RBFOX1: variants seen among roughly 807,000 people sequenced by gnomAD.
RBFOX1 encodes the protein RNA binding protein fox-1 homolog 1.
RBFOX1 carries 8 observed loss-of-function variants against 57.7 expected under a neutral mutation model. The ratio of observed to expected loss-of-function variants is 0.14; its 90% CI spans 0.08 to 0.25. RBFOX1 has a LOEUF of 0.25. RBFOX1 is among the 10% of genes least tolerant of loss of function. The pLI is 1.00. For missense variants in RBFOX1, 611 were observed against 548.5 expected (o/e 1.11, Z -1.14); for synonymous variants, 326 against 222.4 (o/e 1.47, Z -4.15).
chr16:5,450,479 A>G (rs2068388822), intron 1 of RBFOX1, among the ~76,000 whole-genome samples: 1 of 152,164 alleles, frequency 6.6e-6, no homozygotes, highest in Admixed American at 6.5e-5. Flanking sequence ...GCTGCGGTAC[A>G]ACCAGGGGAG....
intron 2 of RBFOX1, among the ~76,000 whole-genome samples, chr16:6,550,905 G>A (rs1046097787): frequency 6.6e-6 from 1 of 152,210 alleles, no homozygotes; most frequent in Non-Finnish European, 1.5e-5. Flanking sequence ...AGGAGGGTGT[G>A]AATACTCGGG....
chr16:5,394,255 C>T (rs2066488691), intron 1 of RBFOX1, among the ~76,000 whole-genome samples: 1 of 152,156 alleles, frequency 6.6e-6, no homozygotes, highest in African/African-American at 2.4e-5. Flanking sequence ...AACTCCTGAA[C>T]TCGTGATCTG....
intron 4 of RBFOX1, among the ~76,000 whole-genome samples, chr16:5,869,288 C>G (rs907242211): frequency 2.6e-5 from 4 of 152,158 alleles, no homozygotes; most frequent in Admixed American, 2.6e-4. Context: ...TTCCTATGAT[C>G]TTCCATCTTT....
chr16:6,633,817 T>G (rs1019559038), intron 2 of RBFOX1, among the ~76,000 whole-genome samples: 7 of 152,090 alleles, frequency 4.6e-5, no homozygotes, highest in Non-Finnish European at 1.0e-4. Context: ...GAGACTAGCC[T>G]GGGCAACACG....
chr16:7,412,989 C>G (rs779463128), intron 4 of RBFOX1, among the ~76,000 whole-genome samples: 3 of 152,032 alleles, frequency 2.0e-5, no homozygotes, highest in Non-Finnish European at 4.4e-5. Flanking sequence ...TTGCAGTGAG[C>G]CAAGATCACG....
At chr16:7,595,257 T>C (rs371030607) in intron 7 of RBFOX1, among the ~76,000 whole-genome samples, 1 of 152,270 alleles carries the variant, frequency 6.6e-6, no homozygotes, top group East Asian at 1.9e-4. Context: ...TGATCTCATT[T>C]TCTTTTCGTT....
intron 4 of RBFOX1, among the ~76,000 whole-genome samples, chr16:7,419,120 C>G (rs1252632158): frequency 6.6e-6 from 1 of 152,126 alleles, no homozygotes; most frequent in Non-Finnish European, 1.5e-5. Context: ...GTTTCCCAGG[C>G]TGGTCTGGAA....
intron 10 of RBFOX1, among the ~76,000 whole-genome samples, chr16:7,616,867 G>T (rs543590210): frequency 1.3e-5 from 2 of 152,164 alleles, no homozygotes; most frequent in South Asian, 4.1e-4. Context: ...ATATTCTAAG[G>T]CCTGATATTT....
chr16:5,388,093 A>T (rs1228714496), intron 1 of RBFOX1, among the ~76,000 whole-genome samples: 2 of 152,222 alleles, frequency 1.3e-5, no homozygotes, highest in African/African-American at 4.8e-5. Flanking sequence ...CACCTTGATT[A>T]TGGCTCAGGG....
At chr16:5,840,528 C>T (rs546836871) in intron 3 of RBFOX1, among the ~76,000 whole-genome samples, 47 of 152,134 alleles carry the variant, frequency 3.1e-4, no homozygotes, top group Non-Finnish European at 5.3e-4. Context: ...GAACACAGCT[C>T]CCCCACTGCC....
At chr16:6,893,358 G>A (rs1567750739) in intron 3 of RBFOX1, among the ~76,000 whole-genome samples, 1 of 152,166 alleles carries the variant, frequency 6.6e-6, no homozygotes, top group Non-Finnish European at 1.5e-5. Context: ...ACACGATCAA[G>A]TCACAAAAGC....
At chr16:7,061,897 A>G (rs1388684751) in intron 4 of RBFOX1, among the ~76,000 whole-genome samples, 1 of 152,180 alleles carries the variant, frequency 6.6e-6, no homozygotes, top group Non-Finnish European at 1.5e-5. Flanking sequence ...GCAGGAAGCA[A>G]ATAAATAGGG....
chr16:6,050,967 C>G (rs1383764595), intron 1 of RBFOX1, among the ~76,000 whole-genome samples: 6 of 148,512 alleles, frequency 4.0e-5, no homozygotes, highest in Non-Finnish European at 5.9e-5. Flanking sequence ...TGACATGACT[C>G]TGCTTGTCTT....
At chr16:5,932,610 C>G (rs1215027302) in intron 4 of RBFOX1, among the ~76,000 whole-genome samples, 2 of 152,156 alleles carry the variant, frequency 1.3e-5, no homozygotes, top group Non-Finnish European at 2.9e-5. Context: ...CAAACACACT[C>G]TTTAAGTAAA....
intron 3 of RBFOX1, among the ~76,000 whole-genome samples, chr16:6,972,560 T>C (rs943786803): frequency 1.3e-5 from 2 of 152,138 alleles, no homozygotes; most frequent in Middle Eastern, 3.2e-3. Context: ...GATACAAATA[T>C]ATTGCAGCAG....
At chr16:6,496,215 T>C (rs1049361913) in intron 2 of RBFOX1, among the ~76,000 whole-genome samples, 2 of 152,194 alleles carry the variant, frequency 1.3e-5, no homozygotes, top group Admixed American at 6.5e-5. Context: ...TTTTCTATTG[T>C]CCTGCAAATT....
At chr16:6,005,945 T>G (rs552218560) in intron 4 of RBFOX1, among the ~76,000 whole-genome samples, 1 of 152,278 alleles carries the variant, frequency 6.6e-6, no homozygotes, top group South Asian at 2.1e-4. Context: ...TCATTCTTTG[T>G]GGGTGAAATC....
chr16:7,373,320 G>C (rs974929264), intron 4 of RBFOX1, among the ~76,000 whole-genome samples: 9 of 152,122 alleles, frequency 5.9e-5, no homozygotes, highest in African/African-American at 1.7e-4. Flanking sequence ...AGAACATAAA[G>C]ATCACAATAC....
intron 4 of RBFOX1, among the ~76,000 whole-genome samples, chr16:7,196,683 AT>A (rs200761201): frequency 0.035 from 5,275 of 152,276 alleles, 109 homozygotes; most frequent in Non-Finnish European, 0.042. Context: ...TATAAGTAAA[AT>A]GCAAAGGCAT....
Sources: gnomAD v4.1 joint callset for allele counts (sites outside exome capture counted in the v4.1 genomes callset) on GRCh38, gnomAD v4.1.1 for gene constraint, MANE v1.5 for transcripts, NCBI Gene and HGNC (gene_info 2026-07-23, HGNC 2026-07-21) for gene names.